Variants in TRMT9B observed in about 807,000 individuals in gnomAD.
The protein encoded by TRMT9B is probable tRNA methyltransferase 9B.
A neutral mutation model predicts 11.5 loss-of-function variants in TRMT9B; 16 were observed. The ratio of observed to expected loss-of-function variants is 1.39; its 90% confidence interval spans 0.94 to 2.11. TRMT9B has a LOEUF of 2.11. TRMT9B is among the 30% of genes most tolerant of loss of function. The probability of loss-of-function intolerance (pLI) is 0.00; values close to 1 mark genes in which losing one functional copy is unlikely to be tolerated. For synonymous variants in TRMT9B, 274 were observed against 192.4 expected (o/e 1.42, Z -3.51); for missense variants, 941 against 553.8 (o/e 1.70, Z -7.02).
At chr8:12,989,118 T>C (rs1806864157) in intron 1 of TRMT9B, among the ~76,000 whole-genome samples, 1 of 152,072 alleles carries the variant, frequency 6.6e-6, no homozygotes, top group South Asian at 2.1e-4. Flanking sequence ...CCCTGAGCCA[T>C]GGTTTGTGGT....
At chr8:12,971,676 G>A (rs1803650623) in intron 1 of TRMT9B, among the ~76,000 whole-genome samples, 5 of 152,136 alleles carry the variant, frequency 3.3e-5, no homozygotes, top group Admixed American at 3.3e-4. Context: ...AAAATGGGGG[G>A]CAGGGAAAGC....
At chr8:12,961,456 C>G (rs977006947) in intron 1 of TRMT9B, among the ~76,000 whole-genome samples, 1 of 151,998 alleles carries the variant, frequency 6.6e-6, no homozygotes, top group Non-Finnish European at 1.5e-5. Context: ...AATCCCAGCA[C>G]TTTGGGAGGC....
At position 12,957,239 on chromosome 8, in the gene TRMT9B, C is replaced by G. The variant is rs1041069451; in HGVS notation, c.-200+11273C>G. On this transcript the variant is annotated intron_variant, in intron 1 of 4. Transcript: ENST00000524591. ...AGCCAAGAGAGGCAAGAAGTAGCAACTGTCTGGGCCCATGTCTTTGTCTTC... is the reference window on the plus strand; with the variant it reads ...AGCCAAGAGAGGCAAGAAGTAGCAAGTGTCTGGGCCCATGTCTTTGTCTTC... 2.6e-5 allele frequency among the ~76,000 whole-genome samples: 4 copies of G among 152,142 alleles called. No homozygotes were observed. The South Asian group carries it at 8.3e-4, about 32-fold the overall frequency.
rs780882452 is a variant in TRMT9B at position 13,021,323 on chromosome 8, T to A, written c.644T>A (p.Val215Glu). The change falls in exon 5 of 5, where the codon GTG becomes GAG. Residue 215 changes from valine (V) to glutamate (E), a missense_variant. Val to Glu is a moderately radical substitution (Grantham distance 121). Transcript: ENST00000524591. The stretch of plus-strand genomic sequence containing the variant: ...TGTGGTTCAAAACGGTCCCACAGCG[T>A]GGGCTATGAACCTGCTATGGCAAGA... ...EQCGSKRSHS[V>E]GYEPAMARTC... 3.1e-6 allele frequency: 5 copies of A among 1,613,918 alleles called. No individual in the cohort carries two copies. In the Admixed American group the frequency reaches 8.3e-5, roughly 27 times the overall value.
intron 1 of TRMT9B, among the ~76,000 whole-genome samples, chr8:12,960,868 C>T (rs1022210521): frequency 2.6e-5 from 4 of 152,066 alleles, no homozygotes; most frequent in African/African-American, 4.8e-5. Flanking sequence ...CTGGGCTGGG[C>T]GCGGTGGCTC....
intron 4 of TRMT9B, among the ~76,000 whole-genome samples, chr8:13,020,412 A>C (rs1055446165): frequency 3.3e-5 from 5 of 152,216 alleles, no homozygotes; most frequent in Admixed American, 6.5e-5. Flanking sequence ...AAGTAAAATG[A>C]TGATGTATAC....
intron 2 of TRMT9B, among the ~76,000 whole-genome samples, chr8:12,994,838 T>C (rs1451153038): frequency 6.6e-6 from 1 of 152,130 alleles, no homozygotes; most frequent in Non-Finnish European, 1.5e-5. Context: ...TGCACCACCA[T>C]GCCCGGCTAA....
In TRMT9B at chr8:12,969,505, C is replaced by A. The variant is rs570865763; in HGVS notation, c.-199-21329C>A. On this transcript the variant is annotated intron_variant, in intron 1 of 4. Coordinates refer to ENST00000524591, the MANE Select transcript of TRMT9B (RefSeq NM_020844.3). ...AAAAGGGCATAGTATTTGCATATAA[C>A]CTGTGTACATTCTCCCATTATTTTA... Among the ~76,000 whole-genome samples the A allele has an allele frequency of 8.5e-5, 13 of 152,264 alleles. No homozygotes were observed. In the South Asian group the frequency reaches 2.7e-3, roughly 32 times the overall value.
intron 1 of TRMT9B, among the ~76,000 whole-genome samples, chr8:12,953,254 T>C (rs1013480196): frequency 6.6e-6 from 1 of 152,234 alleles, no homozygotes; most frequent in African/African-American, 2.4e-5. Context: ...CAGCTAACCA[T>C]TGGCATTTCA....
chr8:12,959,499 C>G (rs1364083486), intron 1 of TRMT9B, among the ~76,000 whole-genome samples: 2 of 129,542 alleles, frequency 1.5e-5, no homozygotes, highest in Non-Finnish European at 3.3e-5. Context: ...CCTCTCCTCT[C>G]CTTTCCTTTT....
chr8:12,969,006 G>T (rs1803207453), intron 1 of TRMT9B, among the ~76,000 whole-genome samples: 1 of 152,182 alleles, frequency 6.6e-6, no homozygotes, highest in Non-Finnish European at 1.5e-5. Flanking sequence ...GAGGTCGGGA[G>T]TTCGAGGCTA....
At chr8:12,954,190 G>C (rs1441506765) in intron 1 of TRMT9B, among the ~76,000 whole-genome samples, 3 of 152,196 alleles carry the variant, frequency 2.0e-5, no homozygotes, top group African/African-American at 7.2e-5. Context: ...CTGTGTACGT[G>C]TATCTCTGAC....
chr8:12,956,651 A>G (rs1239442123), intron 1 of TRMT9B, among the ~76,000 whole-genome samples: 1 of 152,220 alleles, frequency 6.6e-6, no homozygotes, highest in South Asian at 2.1e-4. Context: ...AAATAATAGC[A>G]CCTGGCTTGT....
chr8:13,015,870 G>T (rs949483637), intron 4 of TRMT9B, among the ~76,000 whole-genome samples: 8 of 152,038 alleles, frequency 5.3e-5, no homozygotes, highest in African/African-American at 1.9e-4. Context: ...TTCCTTGAGT[G>T]GAAAACAGCA....
chr8:13,021,674 A>C lies in TRMT9B; in HGVS notation c.995A>C (p.His332Pro). Reference sequence around the variant, plus strand: ...CTGAGAGCACCAGGCACTCTGAAACATTTAAATGGAGACCATCAAGGGGAA... The same window carrying C: ...CTGAGAGCACCAGGCACTCTGAAACCTTTAAATGGAGACCATCAAGGGGAA... ...EWLRAPGTLK[H>P]LNGDHQGEMR... is the part of the protein sequence containing the mutation. The change falls in exon 5 of 5, where the codon CAT (histidine) becomes CCT (proline). Residue 332 changes from histidine (H) to proline (P), a missense_variant. Physicochemically the swap from His to Pro is moderately conservative, Grantham distance 77. Transcript: ENST00000524591. 1 of 1,613,938 alleles carries C rather than the reference A, an allele frequency of 6.2e-7. No individual in the cohort carries two copies. The highest frequency in any genetic ancestry group is 8.5e-7 in the Non-Finnish European group (1 of 1,179,876).
At chr8:12,983,166 T>C (rs2128874159) in intron 1 of TRMT9B, among the ~76,000 whole-genome samples, 1 of 152,276 alleles carries the variant, frequency 6.6e-6, no homozygotes, top group African/African-American at 2.4e-5. Context: ...ATTTATGTAG[T>C]AGTGATGATG....
At chr8:13,013,948 C>G (rs188493003) in intron 4 of TRMT9B, among the ~76,000 whole-genome samples, 128 of 150,996 alleles carry the variant, frequency 8.5e-4, no homozygotes, top group Admixed American at 5.9e-3. Flanking sequence ...AGACTCATCT[C>G]AAAAAAATAA....
intron 3 of TRMT9B, chr8:13,010,988 T>C (rs1472494578): frequency 1.1e-6 from 1 of 901,274 alleles, no homozygotes; most frequent in Non-Finnish European, 1.3e-6. Flanking sequence ...AATTGTTTTC[T>C]TTTTCTTTTT....
intron 2 of TRMT9B, among the ~76,000 whole-genome samples, chr8:13,003,255 T>A (rs182152437): frequency 6.6e-6 from 1 of 152,118 alleles, no homozygotes; most frequent in Non-Finnish European, 1.5e-5. Context: ...TGATTGAAAA[T>A]ACTTTCATAC....
Sources: allele counts gnomAD v4.1 joint callset (sites outside exome capture counted in the v4.1 genomes callset), GRCh38; gene constraint gnomAD v4.1.1; transcripts MANE v1.5; gene names NCBI Gene and HGNC (gene_info 2026-07-23, HGNC 2026-07-21).